ATXN1: variants seen among roughly 807,000 people sequenced by gnomAD.
ATXN1 encodes ataxin-1.
Under a neutral mutation model 56.4 loss-of-function variants are expected in ATXN1, and 8 were observed. The observed-to-expected ratio is 0.14, with a 90% confidence interval of 0.08 to 0.26. The LOEUF (loss-of-function observed/expected upper bound fraction) is 0.26, where lower values mean the gene tolerates loss of function less well. Ranked by LOEUF, ATXN1 falls within the 10% of genes least tolerant of loss-of-function variation. The probability of loss-of-function intolerance (pLI) is 1.00; values close to 1 mark genes in which losing one functional copy is unlikely to be tolerated. For synonymous variants in ATXN1, 514 were observed against 494.6 expected (o/e 1.04, Z -0.52); for missense variants, 987 against 1,106.5 (o/e 0.89, Z 1.53).
chr6:16,632,901 A>G (rs6924939), intron 3 of ATXN1, among the ~76,000 whole-genome samples: 9,152 of 151,690 alleles, frequency 0.06, 522 homozygotes, highest in Middle Eastern at 0.15. Flanking sequence ...GGAGGCTGAG[A>G]CAGGAGAATC....
intron 4 of ATXN1, among the ~76,000 whole-genome samples, chr6:16,525,619 C>G (rs964529906): frequency 6.6e-6 from 1 of 152,034 alleles, no homozygotes; most frequent in African/African-American, 2.4e-5. Context: ...GATAGCACAA[C>G]AGAGTGACTA....
At chr6:16,466,113 G>A (rs113236140) in intron 6 of ATXN1, among the ~76,000 whole-genome samples, 4,908 of 152,056 alleles carry the variant, frequency 0.032, 123 homozygotes, top group Non-Finnish European at 0.047. Context: ...TCAGGAGATC[G>A]AGAACATCCT....
chr6:16,689,437 C>T (rs1490903731), intron 2 of ATXN1, among the ~76,000 whole-genome samples: 2 of 151,594 alleles, frequency 1.3e-5, no homozygotes, highest in African/African-American at 2.4e-5. Context: ...CCTCAGCTCC[C>T]GAGCAGCTGA....
chr6:16,419,546 A>T (rs1281293215), intron 6 of ATXN1, among the ~76,000 whole-genome samples: 4 of 152,120 alleles, frequency 2.6e-5, no homozygotes, highest in Admixed American at 2.6e-4. Flanking sequence ...CAGGGTGGGT[A>T]TGGCAGTGTG....
chr6:16,615,025 T>C (rs554548547), intron 3 of ATXN1: 1 of 150,696 alleles, frequency 6.6e-6, no homozygotes, highest in South Asian at 2.1e-4. Context: ...GTAAAAATCC[T>C]GATCAAAAAA....
chr6:16,315,193 C>T (rs1307178847), intron 7 of ATXN1, among the ~76,000 whole-genome samples: 1 of 152,116 alleles, frequency 6.6e-6, no homozygotes, highest in African/African-American at 2.4e-5. Context: ...CCGATGTGCC[C>T]CTGCCCGGTG....
intron 6 of ATXN1, among the ~76,000 whole-genome samples, chr6:16,469,362 T>C (rs982633343): frequency 6.6e-6 from 1 of 152,214 alleles, no homozygotes; most frequent in African/African-American, 2.4e-5. Flanking sequence ...AGGCAAGGGG[T>C]TAAAGAAAGC....
intron 6 of ATXN1, among the ~76,000 whole-genome samples, chr6:16,446,867 T>C (rs951375193): frequency 1.3e-5 from 2 of 152,140 alleles, no homozygotes; most frequent in African/African-American, 4.8e-5. Flanking sequence ...TAGCCTAGAG[T>C]AACATGGATG....
intron 3 of ATXN1, among the ~76,000 whole-genome samples, chr6:16,648,963 T>C (rs1256648738): frequency 1.3e-5 from 2 of 151,726 alleles, no homozygotes; most frequent in African/African-American, 2.4e-5. Context: ...TATACACATA[T>C]GCATACATAT....
At chr6:16,593,905 T>C (rs1762768196) in intron 3 of ATXN1, among the ~76,000 whole-genome samples, 1 of 148,268 alleles carries the variant, frequency 6.7e-6, no homozygotes, top group African/African-American at 2.5e-5. Flanking sequence ...GACTAATATA[T>C]ATATATATTA....
chr6:16,369,771 G>T (rs79177140), intron 6 of ATXN1, among the ~76,000 whole-genome samples: 3,021 of 152,220 alleles, frequency 0.02, 102 homozygotes, highest in African/African-American at 0.069. Flanking sequence ...CCTGACTTGG[G>T]ACTATTTGCC....
intron 6 of ATXN1, chr6:16,432,464 G>A (rs574226480): frequency 3.7e-4 from 57 of 152,222 alleles, no homozygotes; most frequent in African/African-American, 1.3e-3. Flanking sequence ...TGTGTGTGAT[G>A]TTTACAGCTT....
At chr6:16,402,726 C>G (rs1312615362) in intron 6 of ATXN1, among the ~76,000 whole-genome samples, 1 of 152,162 alleles carries the variant, frequency 6.6e-6, no homozygotes, top group Non-Finnish European at 1.5e-5. Flanking sequence ...TAACCAGGAG[C>G]AGAGAACATC....
At chr6:16,566,704 A>T (rs1394222427) in intron 4 of ATXN1, among the ~76,000 whole-genome samples, 1 of 152,068 alleles carries the variant, frequency 6.6e-6, no homozygotes, top group Admixed American at 6.6e-5. Context: ...ATACAAAAAA[A>T]AATTAGCCGG....
At chr6:16,361,183 T>A (rs1761801474) in intron 6 of ATXN1, among the ~76,000 whole-genome samples, 1 of 152,206 alleles carries the variant, frequency 6.6e-6, no homozygotes, top group Non-Finnish European at 1.5e-5. Flanking sequence ...GGGGTGTGGC[T>A]CTATATATAG....
chr6:16,523,906 G>A (rs924356513), intron 4 of ATXN1, among the ~76,000 whole-genome samples: 11 of 152,348 alleles, frequency 7.2e-5, no homozygotes, highest in Admixed American at 7.2e-4. Context: ...CTAAGTTCAA[G>A]ATCCAACTCA....
At chr6:16,377,883 T>C (rs1274116352) in intron 6 of ATXN1, among the ~76,000 whole-genome samples, 1 of 152,208 alleles carries the variant, frequency 6.6e-6, no homozygotes, top group Non-Finnish European at 1.5e-5. Flanking sequence ...TTGCTAAGGC[T>C]CCACCAGGTC....
At chr6:16,745,932 CCGTG>C (rs761037984) in intron 2 of ATXN1, among the ~76,000 whole-genome samples, 2 of 84,810 alleles carry the variant, frequency 2.4e-5, no homozygotes, top group Non-Finnish European at 4.8e-5. Context: ...GCTATGCCTT[CCGTG>C]TGTGTGTGTG....
chr6:16,394,661 CT>C (rs1758417628), intron 6 of ATXN1, among the ~76,000 whole-genome samples: 2 of 152,194 alleles, frequency 1.3e-5, no homozygotes, highest in Admixed American at 1.3e-4. Flanking sequence ...TAAGTCCTAT[CT>C]TTTAAGTAAC....
Sources: allele counts gnomAD v4.1 joint callset (sites outside exome capture counted in the v4.1 genomes callset), GRCh38; gene constraint gnomAD v4.1.1; transcripts MANE v1.5; gene names NCBI Gene and HGNC (gene_info 2026-07-23, HGNC 2026-07-21).